DHX57: variants seen among roughly 807,000 people sequenced by gnomAD.
DHX57 encodes the protein DExH-box helicase 57.
DHX57 carries 105 observed loss-of-function variants against 156.2 expected under a neutral mutation model. The ratio of observed to expected loss-of-function variants is 0.67; its 90% CI spans 0.57 to 0.79. The LOEUF (loss-of-function observed/expected upper bound fraction) is 0.79, where lower values mean the gene tolerates loss of function less well. DHX57 is among the 30% of genes least tolerant of loss of function. The pLI, the probability that DHX57 is intolerant of heterozygous loss-of-function variation, is 0.00. For synonymous variants in DHX57, 704 were observed against 595.6 expected (o/e 1.18, Z -2.65); for missense variants, 1,847 against 1,661.9 (o/e 1.11, Z -1.94).
chr2:38,866,084 G>A (rs199708075), intron 2 of DHX57, among the ~76,000 whole-genome samples: 1 of 33,434 alleles, frequency 3.0e-5, no homozygotes, highest in Non-Finnish European at 1.1e-4. Context: ...ACTGTCCAAA[G>A]GAAGGAGCAC....
intron 14 of DHX57, among the ~76,000 whole-genome samples, chr2:38,827,500 A>AT: frequency 9.0e-5 from 2 of 22,280 alleles, no homozygotes; most frequent in African/African-American, 1.4e-4. Context: ...AAAAAAAAAA[A>AT]AAAAAATATA....
chr2:38,826,100 G>C (rs1487294214), intron 15 of DHX57, 53 bp from the exon 16 acceptor site: 6 of 1,551,918 alleles, frequency 3.9e-6, no homozygotes, highest in Non-Finnish European at 5.3e-6. Flanking sequence ...ACATGGCCAA[G>C]ACTGCTTGCT....
rs773498363 is a variant in DHX57 at position 38,861,518 on chromosome 2, G to C, written c.892C>G (p.Gln298Glu). Residue 298 changes from glutamine (Q) to glutamate (E), a missense_variant, in exon 5 of 24, where the codon CAA becomes GAA. Transcript: ENST00000457308. The part of the protein sequence containing the change: ...SKPKESTKNV[Q>E]ENSLEICKFY... ...TTACAGATTTCAAGTGAATTCTCTT[G>C]TACATTTTTGGTACTTTCTTTTGGC... The C allele has an allele frequency of 1.2e-6, 2 of 1,614,022 alleles. No homozygotes were observed. The highest frequency in any genetic ancestry group is 1.7e-6 in the Non-Finnish European group (2 of 1,180,000).
At chr2:38,832,570 G>A (rs1170654809) in intron 13 of DHX57, among the ~76,000 whole-genome samples, 1 of 149,610 alleles carries the variant, frequency 6.7e-6, no homozygotes, top group East Asian at 1.9e-4. Flanking sequence ...TTTAGAGACA[G>A]AGTCTTGCTC....
intron 11 of DHX57, among the ~76,000 whole-genome samples, chr2:38,845,342 A>C (rs1672214903): frequency 6.6e-6 from 1 of 152,170 alleles, no homozygotes; most frequent in Non-Finnish European, 1.5e-5. Flanking sequence ...GGCCCAGAAA[A>C]TAATAATTCT....
chr2:38,826,461 C>T (rs1671090232), intron 15 of DHX57, 55 bp downstream of exon 15: 1 of 1,577,436 alleles, frequency 6.3e-7, no homozygotes, highest in South Asian at 1.2e-5. Flanking sequence ...ACAACGGTGT[C>T]TCCCTAAATG....
In DHX57 at chr2:38,861,429, T is replaced by G. The variant is rs773447079; in HGVS notation, c.981A>C (p.Pro327=). 3.7e-6 allele frequency: 6 copies of G among 1,614,084 alleles called. No individual in the cohort carries two copies. The highest frequency in any genetic ancestry group is 2.7e-5 in the African/African-American group (2 of 75,054). Residue 327 remains proline, a synonymous_variant, in exon 5 of 24, where the codon CCA becomes CCC. Coordinates refer to ENST00000457308, the MANE Select transcript of DHX57 (RefSeq NM_198963.3). ...TTTCTATTCTTCCAACAATTTGATT[T>G]GGGGGCACTTCATGTTTGAATCTGC... ...SKCRFKHEVP[P]NQIVGRIERS...
chr2:38,820,658 T>A (rs1670763777), intron 17 of DHX57, among the ~76,000 whole-genome samples: 1 of 152,168 alleles, frequency 6.6e-6, no homozygotes, highest in Non-Finnish European at 1.5e-5. Flanking sequence ...TCACTACCAC[T>A]GGACCAGCTG....
At chr2:38,860,324 C>A (rs1362348424) in intron 5 of DHX57, among the ~76,000 whole-genome samples, 3 of 152,154 alleles carry the variant, frequency 2.0e-5, no homozygotes, top group Admixed American at 6.5e-5. Context: ...TGGCGGGTGC[C>A]TGTAATCCCA....
intron 6 of DHX57, among the ~76,000 whole-genome samples, chr2:38,857,620 G>A (rs1238068877): frequency 6.6e-6 from 1 of 152,150 alleles, no homozygotes; most frequent in African/African-American, 2.4e-5. Context: ...CTTTAGAACT[G>A]GAGGGCCTAG....
intron 13 of DHX57, among the ~76,000 whole-genome samples, chr2:38,829,842 T>G (rs2124829216): frequency 6.6e-6 from 1 of 152,318 alleles, no homozygotes; most frequent in African/African-American, 2.4e-5. Context: ...TATAATTGAC[T>G]GGCCAATCTG....
intron 20 of DHX57, 80 bp downstream of exon 20, chr2:38,815,441 A>G: frequency 5.1e-6 from 8 of 1,564,872 alleles, no homozygotes; most frequent in Non-Finnish European, 6.1e-6. Flanking sequence ...GTGAAGAAGA[A>G]TGTCTACAAG....
chr2:38,865,723 T>G (rs1306965329), intron 2 of DHX57, among the ~76,000 whole-genome samples: 2 of 152,200 alleles, frequency 1.3e-5, no homozygotes, highest in African/African-American at 4.8e-5. Flanking sequence ...ATCAGATACC[T>G]TCTCTATTCG....
At chr2:38,825,419 C>T (rs1003648599) in intron 16 of DHX57, among the ~76,000 whole-genome samples, 3 of 152,198 alleles carry the variant, frequency 2.0e-5, no homozygotes, top group Admixed American at 2.0e-4. Flanking sequence ...TCTCCTTCCT[C>T]AGCCTCCCAA....
intron 21 of DHX57, among the ~76,000 whole-genome samples, chr2:38,810,196 T>C (rs367971023): frequency 1.3e-4 from 20 of 150,446 alleles, no homozygotes; most frequent in African/African-American, 4.9e-4. Flanking sequence ...TGGCTGGCCT[T>C]AGTCTTTTTT....
At chr2:38,833,219 T>C (rs1030457144) in intron 13 of DHX57, among the ~76,000 whole-genome samples, 15 of 152,062 alleles carry the variant, frequency 9.9e-5, no homozygotes, top group Admixed American at 5.9e-4. Context: ...CTTGGCTCAC[T>C]GCAACCTCCG....
chr2:38,808,810 G>C (rs1333850645), intron 21 of DHX57, among the ~76,000 whole-genome samples: 1 of 152,102 alleles, frequency 6.6e-6, no homozygotes, highest in African/African-American at 2.4e-5. Flanking sequence ...TTTTGGTAGA[G>C]ATGGGGTCTT....
chr2:38,837,051 G>A (rs1409927902), intron 13 of DHX57, among the ~76,000 whole-genome samples: 1 of 152,014 alleles, frequency 6.6e-6, no homozygotes, highest in Non-Finnish European at 1.5e-5. Flanking sequence ...GTTTCACTAT[G>A]TTTTCCAGGC....
rs532512568 is a variant in DHX57 at position 38,815,798 on chromosome 2, G to C, written c.3472-143C>G. 32 of 996,748 alleles carry C rather than the reference G, an allele frequency of 3.2e-5. No individual in the cohort carries two copies. The East Asian group carries it at 8.1e-4, about 25-fold the overall frequency. 61.7% of individuals were successfully genotyped at this position (996,748 alleles called of 1,614,324 possible). ...GGATTCATTCCTCAGGTATGAAGAG[G>C]ATCTTGTCTGGTCATTTCCAAGAAG... On this transcript the variant is annotated intron_variant, in intron 19 of 23. Coordinates refer to ENST00000457308, the MANE Select transcript of DHX57 (RefSeq NM_198963.3).
Sources: gnomAD v4.1 joint callset for allele counts (sites outside exome capture counted in the v4.1 genomes callset) on GRCh38, gnomAD v4.1.1 for gene constraint, MANE v1.5 for transcripts, NCBI Gene and HGNC (gene_info 2026-07-23, HGNC 2026-07-21) for gene names.